RB1: variants seen among roughly 807,000 people sequenced by gnomAD.
The protein encoded by RB1 is RB transcriptional corepressor 1.
A neutral mutation model predicts 135.4 loss-of-function variants in RB1; 18 were observed. That is an observed-to-expected ratio of 0.13 (90% CI 0.09 to 0.20). The LOEUF (loss-of-function observed/expected upper bound fraction) is 0.20. RB1 is among the 10% of genes least tolerant of loss of function. The probability of loss-of-function intolerance (pLI) is 1.00; values close to 1 mark genes in which losing one functional copy is unlikely to be tolerated. For missense variants in RB1, 868 were observed against 1,110.0 expected (o/e 0.78, Z 3.10); for synonymous variants, 365 against 373.2 (o/e 0.98, Z 0.25).
intron 17 of RB1, among the ~76,000 whole-genome samples, chr13:48,427,188 T>C (rs1949092082): frequency 8.0e-6 from 1 of 124,500 alleles, no homozygotes; most frequent in African/African-American, 3.1e-5. Flanking sequence ...AAACCTCACC[T>C]CCAGCATTGG....
intron 17 of RB1, among the ~76,000 whole-genome samples, chr13:48,437,878 A>T (rs1473436093): frequency 6.6e-6 from 1 of 152,192 alleles, no homozygotes; most frequent in Non-Finnish European, 1.5e-5. Flanking sequence ...GTCAGAGATT[A>T]TTGGGGTGAT....
intron 24 of RB1, 101 bp from the exon 25 acceptor site, chr13:48,476,600 C>T (rs1949505129): frequency 8.0e-7 from 1 of 1,246,798 alleles, no homozygotes; most frequent in African/African-American, 1.5e-5. Flanking sequence ...AAGTTATTAC[C>T]TTTGCCTGAT....
At chr13:48,362,088 T>G (rs1322512692) in intron 7 of RB1, among the ~76,000 whole-genome samples, 3 of 151,786 alleles carry the variant, frequency 2.0e-5, no homozygotes, top group African/African-American at 7.3e-5. Context: ...GCTGGGACTA[T>G]GGGCATGCAC....
chr13:48,443,340 A>G (rs1354868490), intron 17 of RB1, among the ~76,000 whole-genome samples: 2 of 151,908 alleles, frequency 1.3e-5, no homozygotes, highest in East Asian at 3.9e-4. Flanking sequence ...AATTCTAGGA[A>G]GCTTCTCTAT....
At chr13:48,331,130 C>T (rs1473886290) in intron 2 of RB1, among the ~76,000 whole-genome samples, 2 of 152,126 alleles carry the variant, frequency 1.3e-5, no homozygotes, top group African/African-American at 4.8e-5. Flanking sequence ...AAGGAATGTA[C>T]CTCAACACAA....
intron 2 of RB1, chr13:48,318,197 T>C (rs941578984): frequency 3.4e-6 from 2 of 585,994 alleles, no homozygotes; most frequent in Non-Finnish European, 6.1e-6. Flanking sequence ...GTTTGTTCCC[T>C]GGACCCTCGC....
chr13:48,453,107 G>A lies in RB1; in HGVS notation c.1810G>A (p.Asp604Asn), dbSNP rs2138327415. Residue 604 changes from aspartate (D) to asparagine (N), a missense_variant, in exon 18 of 27, where the codon GAT becomes AAT. Around this residue, in one of 3 missense-constraint regions of RB1, gnomAD observed 641 missense variants for 791.3 expected, o/e 0.81. Coordinates refer to ENST00000267163, the MANE Select transcript of RB1 (RefSeq NM_000321.3). Reference sequence around the variant, plus strand: ...TCTCCAGAATAATCACACTGCAGCAGATATGTAAGCAAAATATATGTTATG... The same window carrying A: ...TCTCCAGAATAATCACACTGCAGCAAATATGTAAGCAAAATATATGTTATG... ...LPLQNNHTAA[D>N]MYLSPVRSPK... 2 of 1,611,528 alleles carry A rather than the reference G, an allele frequency of 1.2e-6. No homozygotes were observed. The highest frequency in any genetic ancestry group is 1.7e-6 in the Non-Finnish European group (2 of 1,179,196).
chr13:48,408,969 T>C (rs1948764180), intron 17 of RB1, among the ~76,000 whole-genome samples: 1 of 152,142 alleles, frequency 6.6e-6, no homozygotes. Context: ...AGATTGGTAG[T>C]TGCTTCTCAA....
intron 26 of RB1, among the ~76,000 whole-genome samples, chr13:48,478,173 A>T (rs550967296): frequency 6.6e-6 from 1 of 152,326 alleles, no homozygotes; most frequent in South Asian, 2.1e-4. Flanking sequence ...TGTTAAAACA[A>T]TCATTCCTAG....
intron 6 of RB1, among the ~76,000 whole-genome samples, chr13:48,349,728 T>C (rs571724408): frequency 3.9e-5 from 6 of 152,106 alleles, no homozygotes; most frequent in South Asian, 2.1e-4. Context: ...CTAAAGTCTC[T>C]AATTAAAAGA....
At chr13:48,376,199 C>T (rs956376832) in intron 12 of RB1, among the ~76,000 whole-genome samples, 9 of 152,046 alleles carry the variant, frequency 5.9e-5, no homozygotes, top group Non-Finnish European at 7.4e-5. Flanking sequence ...TTTCAAAGCA[C>T]GTTTTAAAAT....
At chr13:48,369,259 T>G (rs1447765112) in intron 11 of RB1, among the ~76,000 whole-genome samples, 1 of 152,240 alleles carries the variant, frequency 6.6e-6, no homozygotes, top group Non-Finnish European at 1.5e-5. Flanking sequence ...TATCAAGGCT[T>G]GTTGAATAAT....
intron 9 of RB1, among the ~76,000 whole-genome samples, 175 bp from the exon 10 acceptor site, chr13:48,367,319 A>G (rs1436298651): frequency 6.6e-6 from 1 of 152,156 alleles, no homozygotes; most frequent in Non-Finnish European, 1.5e-5. Flanking sequence ...CAAATGTTGC[A>G]ATTTTCTGTA....
chr13:48,340,555 C>A (rs566830552), intron 2 of RB1, among the ~76,000 whole-genome samples: 1 of 142,024 alleles, frequency 7.0e-6, no homozygotes, highest in Non-Finnish European at 1.5e-5. Context: ...TAGCAACTTT[C>A]GCTTCATTTT....
chr13:48,395,218 G>C (rs149557568), intron 17 of RB1, among the ~76,000 whole-genome samples: 1 of 152,090 alleles, frequency 6.6e-6, no homozygotes, highest in Non-Finnish European at 1.5e-5. Context: ...CAAAAAGGAC[G>C]TCCACACAGA....
intron 6 of RB1, 119 bp from the exon 7 acceptor site, chr13:48,359,898 A>T: frequency 7.2e-7 from 1 of 1,380,894 alleles, no homozygotes; most frequent in Non-Finnish European, 9.5e-7. Flanking sequence ...GAAAATCTTT[A>T]CCATGCTGAT....
In RB1 at chr13:48,319,236, G is replaced by T. The variant is rs1566179019; in HGVS notation, c.264+11830G>T. On this transcript the variant is annotated intron_variant, in intron 2 of 26. Transcript: ENST00000267163. This position sits in a 1 kb window ranked among gnomAD's most constrained non-coding sequence, Gnocchi z 5.0. The stretch of plus-strand genomic sequence containing the variant: ...CCTCTAGCTGGGTGTTTTCCTGTGG[G>T]TCTCGCGCAAGGCACTTTTTTGTGG... The T allele has an allele frequency of 9.9e-6, 8 of 807,834 alleles. No homozygotes were observed. In the East Asian group the frequency reaches 3.0e-4, roughly 30 times the overall value. The allele number at this position is 807,834 out of a possible 1,614,324, so 50.0% of individuals were successfully genotyped here. A position where few individuals can be genotyped will look rare whatever the true frequency, so the allele number is the denominator to read the frequency against.
rs998215955 is a variant in RB1, at chr13:48,481,625, A to T, written c.*1554A>T. ...GACTCCATTTCATCATTGTTTCTGC[A>T]TGAATATCATACAAATCAGTTAGTT... On this transcript the variant is annotated 3_prime_UTR_variant, in exon 27 of 27. Coordinates refer to ENST00000267163, the MANE Select transcript of RB1 (RefSeq NM_000321.3). 1 of 231,236 alleles carries T rather than the reference A, an allele frequency of 4.3e-6. No homozygotes were observed. Among genetic ancestry groups the T allele is most frequent in the Non-Finnish European group, 8.6e-6 (1 of 116,592 alleles). 14.3% of individuals were successfully genotyped at this position (231,236 alleles called of 1,614,324 possible).
At chr13:48,442,520 T>C (rs1428092732) in intron 17 of RB1, among the ~76,000 whole-genome samples, 1 of 152,208 alleles carries the variant, frequency 6.6e-6, no homozygotes, top group African/African-American at 2.4e-5. Flanking sequence ...GAAGGTAACT[T>C]TCCTACTGTA....
Sources: gnomAD v4.1 joint callset for allele counts (sites outside exome capture counted in the v4.1 genomes callset) on GRCh38, gnomAD v4.1.1 for gene constraint, gnomAD v4.1.1 regional missense constraint, Gnocchi (gnomAD v3.1) non-coding constraint, MANE v1.5 for transcripts, NCBI Gene and HGNC (gene_info 2026-07-23, HGNC 2026-07-21) for gene names.